The following TADA1 variants were observed in gnomAD, a reference collection of about 807,000 sequenced individuals.
The protein encoded by TADA1 is transcriptional adaptor 1.
Under a neutral mutation model 39.3 loss-of-function variants are expected in TADA1, and 23 were observed. That is an observed-to-expected ratio of 0.58 (90% CI 0.42 to 0.83). The LOEUF is 0.83. TADA1 is among the 40% of genes least tolerant of loss of function. TADA1 has a pLI of 0.00. For missense variants in TADA1, 352 were observed against 408.1 expected (o/e 0.86, Z 1.18); for synonymous variants, 137 against 151.8 (o/e 0.90, Z 0.72).
At chr1:166,874,587 T>A (rs1219102625) in intron 1 of TADA1, among the ~76,000 whole-genome samples, 1 of 151,806 alleles carries the variant, frequency 6.6e-6, no homozygotes, top group South Asian at 2.1e-4. Flanking sequence ...GGATTTGAGA[T>A]CAGCCTGGGC....
intron 5 of TADA1, among the ~76,000 whole-genome samples, chr1:166,861,974 G>A (rs991044472): frequency 3.9e-5 from 6 of 151,984 alleles, no homozygotes; most frequent in Non-Finnish European, 4.4e-5. Flanking sequence ...CAGGAGGATC[G>A]CTTGAGCCCA....
At chr1:166,871,949 GA>G (rs1160924086) in intron 1 of TADA1, among the ~76,000 whole-genome samples, 3 of 152,168 alleles carry the variant, frequency 2.0e-5, no homozygotes, top group African/African-American at 4.8e-5. Context: ...ACTTGTTCCA[GA>G]ACTAAAACAA....
At position 166,860,349 on chromosome 1, in the gene TADA1, C is replaced by A; in HGVS notation, c.541-12G>T. The A allele has an allele frequency of 6.4e-7, 1 of 1,573,870 alleles. No homozygotes were observed. Among genetic ancestry groups the A allele is most frequent in the Non-Finnish European group, 8.6e-7 (1 of 1,161,154 alleles). On this transcript the variant is annotated splice_polypyrimidine_tract_variant and intron_variant, in intron 5 of 7. Transcript: ENST00000367874. ...TCTTTAAGGTGATTCTGTAAACATA[C>A]AAAAAGAAAAATAGCATGATATCCT...
intron 3 of TADA1, 43 bp from the exon 4 acceptor site, chr1:166,863,964 A>G (rs1210776109): frequency 1.4e-6 from 2 of 1,474,588 alleles, no homozygotes. Context: ...AATAATGACA[A>G]CTGATAACTG....
At chr1:166,862,049 G>A (rs762254265) in intron 5 of TADA1, among the ~76,000 whole-genome samples, 154 bp downstream of exon 5, 1 of 152,102 alleles carries the variant, frequency 6.6e-6, no homozygotes, top group African/African-American at 2.4e-5. Flanking sequence ...ACAAAGTGAT[G>A]CTGTCTCAAA....
At chr1:166,876,085 C>T (rs1258660902) in intron 1 of TADA1, 75 bp downstream of exon 1, 5 of 1,434,122 alleles carry the variant, frequency 3.5e-6, no homozygotes, top group South Asian at 2.6e-5. Context: ...CGGGCGTCTC[C>T]GGGGCGGGCT....
intron 4 of TADA1, 28 bp from the exon 5 acceptor site, chr1:166,862,440 T>C: frequency 6.3e-7 from 1 of 1,582,144 alleles, no homozygotes; most frequent in Non-Finnish European, 8.7e-7. Flanking sequence ...TTTTTAAAAT[T>C]ACTCATTACA....
chr1:166,861,757 A>G (rs982996599), intron 5 of TADA1, among the ~76,000 whole-genome samples: 1 of 152,214 alleles, frequency 6.6e-6, no homozygotes, highest in African/African-American at 2.4e-5. Context: ...CTCCTCTTAA[A>G]AGAAAACAAC....
chr1:166,876,252 C>A lies in TADA1; in HGVS notation c.-19G>T, dbSNP rs1195259922. ...TCGCCATTGCTCCGCGTGTCTCAGC[C>A]CGACCGCAGACCGCCCGGCCACCGC... On this transcript the variant is annotated 5_prime_UTR_variant, in exon 1 of 8. Transcript: ENST00000367874. 7 of 1,611,090 alleles carry A rather than the reference C, an allele frequency of 4.3e-6. No homozygotes were observed. Among genetic ancestry groups the A allele is most frequent in the Non-Finnish European group, 5.9e-6 (7 of 1,178,900 alleles).
intron 7 of TADA1, 24 bp downstream of exon 7, chr1:166,858,095 A>G (rs759579385): frequency 6.2e-7 from 1 of 1,613,394 alleles, no homozygotes. Context: ...AAACCTAGGT[A>G]AACTTTAAGG....
At chr1:166,860,810 C>T (rs1658389996) in intron 5 of TADA1, among the ~76,000 whole-genome samples, 1 of 152,140 alleles carries the variant, frequency 6.6e-6, no homozygotes, top group African/African-American at 2.4e-5. Flanking sequence ...GTTGGGATTA[C>T]AGGTGCCCAC....
At chr1:166,868,348 C>A (rs946801375) in intron 3 of TADA1, among the ~76,000 whole-genome samples, 3 of 152,322 alleles carry the variant, frequency 2.0e-5, no homozygotes, top group African/African-American at 7.2e-5. Flanking sequence ...AACACAGGTG[C>A]TGAAGCTTGA....
At chr1:166,859,538 TAAGA>T (rs1252702466) in intron 6 of TADA1, among the ~76,000 whole-genome samples, 1 of 152,062 alleles carries the variant, frequency 6.6e-6, no homozygotes, top group Non-Finnish European at 1.5e-5. Context: ...GATGGAAGGA[TAAGA>T]AAGACAACAC....
rs878861687 is a variant in TADA1, at chr1:166,862,513, C to T, written c.331-101G>A. 7.0e-5 allele frequency: 63 copies of T among 900,380 alleles called. No individual in the cohort carries two copies. The South Asian group carries it at 9.0e-4, about 13-fold the overall frequency. 55.8% of individuals were successfully genotyped at this position (900,380 alleles called of 1,614,324 possible). ...GTTGAGATCCTCCAAATTAATGCCA[C>T]CAAAACTATACCACAGGGGTTAAGG... is the stretch of plus-strand genomic sequence containing the variant. On this transcript the variant is annotated intron_variant, in intron 4 of 7. Coordinates refer to ENST00000367874, the MANE Select transcript of TADA1 (RefSeq NM_053053.4).
chr1:166,862,220 C>T lies in TADA1; in HGVS notation c.523G>A (p.Val175Ile), dbSNP rs755108473. The change falls in exon 5 of 8, where the codon GTT becomes ATT. Residue 175 changes from valine to isoleucine, a missense_variant. Transcript: ENST00000367874. Reference protein sequence around the residue: ...DNVTEEAVSAVVYAVENHLKD... With the variant: ...DNVTEEAVSAIVYAVENHLKD... ...AAACCAACCTCCACAGCATAGACAA[C>T]AGCTGAAACAGCCTCCTCGGTGACA... The T allele has an allele frequency of 1.2e-6, 2 of 1,613,516 alleles. No individual in the cohort carries two copies. Among genetic ancestry groups the T allele is most frequent in the South Asian group, 1.1e-5 (1 of 91,048 alleles).
At chr1:166,857,994 A>G in intron 7 of TADA1, 125 bp downstream of exon 7, 4 of 1,264,014 alleles carry the variant, frequency 3.2e-6, no homozygotes, top group Non-Finnish European at 4.4e-6. Context: ...AACGGCTTTT[A>G]TAACAGACAA....
chr1:166,873,302 CAT>C (rs1263902415), intron 1 of TADA1, among the ~76,000 whole-genome samples: 1 of 152,116 alleles, frequency 6.6e-6, no homozygotes, highest in African/African-American at 2.4e-5. Context: ...AAATAAATAA[CAT>C]ATGATCAAAT....
In TADA1 at chr1:166,871,464, C is replaced by T. The variant is rs1329825198; in HGVS notation, c.75-1610G>A. Among the ~76,000 whole-genome samples, 8 of 152,156 alleles carry T rather than the reference C, an allele frequency of 5.3e-5. No homozygotes were observed. The East Asian group carries it at 1.5e-3, about 29-fold the overall frequency. On this transcript the variant is annotated intron_variant, in intron 1 of 7. Transcript: ENST00000367874. ...GATTAGCTTCAAGTCATCTTAGTATCTCTATATGTAATTGACTATGATCAT... is the reference window on the plus strand; with the variant it reads ...GATTAGCTTCAAGTCATCTTAGTATTTCTATATGTAATTGACTATGATCAT...
intron 4 of TADA1, chr1:166,862,676 G>C (rs891231710): frequency 2.0e-6 from 1 of 504,466 alleles, no homozygotes; most frequent in Non-Finnish European, 3.6e-6. Context: ...GGTGATCACA[G>C]AATGTATGGC....
Sources: allele counts gnomAD v4.1 joint callset (sites outside exome capture counted in the v4.1 genomes callset), GRCh38; gene constraint gnomAD v4.1.1; transcripts MANE v1.5; gene names NCBI Gene and HGNC (gene_info 2026-07-23, HGNC 2026-07-21).